The following ANKMY1 variants were observed in gnomAD, a reference collection of about 807,000 sequenced individuals.
ANKMY1 encodes the protein ankyrin repeat and MYND domain-containing protein 1.
ANKMY1 carries 98 observed loss-of-function variants against 102.0 expected under a neutral mutation model. That is an observed-to-expected ratio of 0.96 (90% confidence interval 0.82 to 1.14). ANKMY1 has a LOEUF of 1.14. Among genes scored for constraint, ANKMY1 ranks in the 50% most tolerant of loss-of-function variants. The pLI is 0.00. For missense variants in ANKMY1, 1,330 were observed against 1,347.6 expected (o/e 0.99, Z 0.20); for synonymous variants, 582 against 559.9 (o/e 1.04, Z -0.56).
intron 4 of ANKMY1, among the ~76,000 whole-genome samples, chr2:240,549,923 G>A (rs1013305016): frequency 6.6e-6 from 1 of 151,920 alleles, no homozygotes; most frequent in Non-Finnish European, 1.5e-5. Flanking sequence ...TGGTGGGACT[G>A]TAAACTAGTT....
chr2:240,543,120 C>T (rs368507754), intron 4 of ANKMY1, among the ~76,000 whole-genome samples: 12 of 151,796 alleles, frequency 7.9e-5, no homozygotes, highest in East Asian at 1.9e-4. Context: ...GAGGCCAAGG[C>T]GGGCAGATCA....
At chr2:240,528,468 C>G (rs1184843510) in intron 5 of ANKMY1, among the ~76,000 whole-genome samples, 1 of 152,088 alleles carries the variant, frequency 6.6e-6, no homozygotes, top group Non-Finnish European at 1.5e-5. Context: ...CCTGTGCTCC[C>G]ACCCTTAGCT....
chr2:240,487,056 A>T (rs953439872), intron 15 of ANKMY1, among the ~76,000 whole-genome samples: 2 of 152,120 alleles, frequency 1.3e-5, no homozygotes, highest in African/African-American at 4.8e-5. Context: ...CTCTGCTCTA[A>T]AACATTGACT....
chr2:240,482,294 C>T (rs1011942821), intron 15 of ANKMY1, 33 bp from the exon 16 acceptor site: 11 of 1,592,518 alleles, frequency 6.9e-6, no homozygotes, highest in East Asian at 6.8e-5. Flanking sequence ...TTAGTACCCA[C>T]GTGGCAGGGT....
chr2:240,535,573 A>G (rs2086530686), intron 4 of ANKMY1, among the ~76,000 whole-genome samples: 1 of 152,244 alleles, frequency 6.6e-6, no homozygotes, highest in Non-Finnish European at 1.5e-5. Context: ...GGGCAATTTC[A>G]AGGTATGACA....
chr2:240,546,266 C>T (rs2090350647), intron 4 of ANKMY1, among the ~76,000 whole-genome samples: 1 of 150,344 alleles, frequency 6.7e-6, no homozygotes, highest in South Asian at 2.1e-4. Context: ...AACTAAGCTT[C>T]ATAAGTGAAG....
At chr2:240,505,025 G>A (rs888170718) in intron 13 of ANKMY1, among the ~76,000 whole-genome samples, 4 of 149,368 alleles carry the variant, frequency 2.7e-5, no homozygotes, top group East Asian at 2.1e-4. Context: ...ATACCATCTC[G>A]CATCCATTAG....
rs562515811 is a variant in ANKMY1 at position 240,557,987 on chromosome 2, A to C, written c.-124T>G. The C allele has an allele frequency of 1.8e-4, 178 of 985,466 alleles. No homozygotes were observed. The African/African-American group carries it at 2.7e-3, about 15-fold the overall frequency. 61.0% of individuals were successfully genotyped at this position (985,466 alleles called of 1,614,324 possible). A position where few individuals can be genotyped will look rare whatever the true frequency, so the allele number is the denominator to read the frequency against. On this transcript the variant is annotated 5_prime_UTR_variant, in exon 1 of 18. Transcript: ENST00000401804. ...CCGACTGCTTGCCAGCCCTGCGCCT[A>C]CGGAGAGCGTCGCGTTTCCCTGGAG...
downstream of ANKMY1, among the ~76,000 whole-genome samples, chr2:240,477,939 C>T (rs1187254664): frequency 6.6e-6 from 1 of 152,150 alleles, no homozygotes; most frequent in Admixed American, 6.5e-5. Flanking sequence ...ATCCAGGTGT[C>T]TGTGATACGC....
intron 4 of ANKMY1, among the ~76,000 whole-genome samples, chr2:240,542,121 T>C (rs1313566099): frequency 6.8e-6 from 1 of 147,542 alleles, no homozygotes; most frequent in Non-Finnish European, 1.5e-5. Context: ...GGCAGGAGAA[T>C]TGCTGGAACC....
intron 2 of ANKMY1, chr2:240,555,336 G>C (rs1042515819): frequency 2.2e-6 from 1 of 444,668 alleles, no homozygotes; most frequent in Non-Finnish European, 4.1e-6. Flanking sequence ...TGTCCAGCCC[G>C]GGCCTGCTGG....
chr2:240,500,148 A>G, intron 14 of ANKMY1, 25 bp from the exon 15 acceptor site: 2 of 1,561,566 alleles, frequency 1.3e-6, no homozygotes, highest in South Asian at 1.2e-5. Flanking sequence ...CAGGGTCACC[A>G]CAGGGTCCCG....
chr2:240,495,290 T>C (rs1412698926), intron 15 of ANKMY1, among the ~76,000 whole-genome samples: 1 of 152,144 alleles, frequency 6.6e-6, no homozygotes, highest in Non-Finnish European at 1.5e-5. Flanking sequence ...TAGAGAAGAC[T>C]CTACTCCACC....
chr2:240,555,118 G>C lies in ANKMY1; in HGVS notation c.147-63C>G, dbSNP rs2092150116. 9 of 1,549,068 alleles carry C rather than the reference G, an allele frequency of 5.8e-6. No homozygotes were observed. In the Middle Eastern group the frequency reaches 1.2e-3, roughly 208 times the overall value. On this transcript the variant is annotated intron_variant, in intron 2 of 17. Transcript: ENST00000401804. ...GGCTGCAGTGCCTTCAGTGACTGCTGAGCACAACCCCCGAGCACAACCCAG... is the reference window on the plus strand; with the variant it reads ...GGCTGCAGTGCCTTCAGTGACTGCTCAGCACAACCCCCGAGCACAACCCAG...
chr2:240,501,101 G>A (rs957249159), intron 13 of ANKMY1, among the ~76,000 whole-genome samples: 2 of 151,848 alleles, frequency 1.3e-5, no homozygotes, highest in Non-Finnish European at 2.9e-5. Flanking sequence ...CGTGTATGTG[G>A]GTGTGTGGAT....
At chr2:240,497,746 G>A (rs1156549452) in intron 15 of ANKMY1, among the ~76,000 whole-genome samples, 5 of 152,148 alleles carry the variant, frequency 3.3e-5, no homozygotes, top group Non-Finnish European at 5.9e-5. Flanking sequence ...AAATGAAATC[G>A]GTTTCTTTGT....
At chr2:240,528,795 A>C (rs536078498) in intron 5 of ANKMY1, among the ~76,000 whole-genome samples, 1 of 152,168 alleles carries the variant, frequency 6.6e-6, no homozygotes, top group South Asian at 2.1e-4. Context: ...TGGGATCCTG[A>C]GACCCTCATT....
intron 14 of ANKMY1, 38 bp from the exon 15 acceptor site, chr2:240,500,161 C>A (rs1358395772): frequency 3.3e-6 from 5 of 1,534,036 alleles, no homozygotes; most frequent in Admixed American, 2.0e-5. Flanking sequence ...GGGTCCCGGG[C>A]CCGCCCCTCA....
Position 240,480,926 on chromosome 2 carries a change from G to A in ANKMY1, c.3046+11C>T, listed in dbSNP as rs2075307134. On this transcript the variant is annotated intron_variant, in intron 17 of 17. Transcript: ENST00000401804. ...CGGAACCCTTGCCTCCCAGCCTGAG[G>A]GCCGACCTACCGATGGCCACCAGGT... The A allele has an allele frequency of 1.9e-6, 3 of 1,601,920 alleles. No individual in the cohort carries two copies. Among genetic ancestry groups the A allele is most frequent in the Non-Finnish European group, 1.7e-6 (2 of 1,170,402 alleles).
Sources: gnomAD v4.1 joint callset for allele counts (sites outside exome capture counted in the v4.1 genomes callset) on GRCh38, gnomAD v4.1.1 for gene constraint, MANE v1.5 for transcripts, NCBI Gene and HGNC (gene_info 2026-07-23, HGNC 2026-07-21) for gene names.